SLC25A37: variants seen among roughly 807,000 people sequenced by gnomAD.
SLC25A37 encodes the protein solute carrier family 25 member 37, also known as mitoferrin-1.
A neutral mutation model predicts 31.0 loss-of-function variants in SLC25A37; 17 were observed. The observed-to-expected ratio is 0.55, with a 90% confidence interval of 0.38 to 0.82. The LOEUF is 0.82. Ranked by LOEUF, SLC25A37 falls within the 40% of genes least tolerant of loss-of-function variation. The pLI, the probability that SLC25A37 is intolerant of heterozygous loss-of-function variation, is 0.00. For missense variants in SLC25A37, 404 were observed against 465.8 expected (o/e 0.87, Z 1.22); for synonymous variants, 222 against 193.0 (o/e 1.15, Z -1.24).
intron 1 of SLC25A37, among the ~76,000 whole-genome samples, chr8:23,537,956 T>C (rs1801804614): frequency 6.6e-6 from 1 of 152,016 alleles, no homozygotes; most frequent in Non-Finnish European, 1.5e-5. Flanking sequence ...AGACTGAAAC[T>C]CTTTCCTCCT....
Position 23,572,016 on chromosome 8 carries a change from C to G in SLC25A37, c.*161C>G. 3 of 787,930 alleles carry G rather than the reference C, an allele frequency of 3.8e-6. No individual in the cohort carries two copies. Among genetic ancestry groups the G allele is most frequent in the South Asian group, 3.8e-5 (2 of 52,714 alleles). 48.8% of individuals were successfully genotyped at this position (787,930 alleles called of 1,614,324 possible). A position where few individuals can be genotyped will look rare whatever the true frequency, so the allele number is the denominator to read the frequency against. ...GAGGAGGGGACGGCACGGCCGCTCACCGGAAGGCTGTGTGCGGGGACATCC... is the reference window on the plus strand; with the variant it reads ...GAGGAGGGGACGGCACGGCCGCTCAGCGGAAGGCTGTGTGCGGGGACATCC... On this transcript the variant is annotated 3_prime_UTR_variant, in exon 4 of 4. Transcript: ENST00000519973.
At position 23,574,126 on chromosome 8, in the gene SLC25A37, CTT is replaced by C. The variant is rs1802931314; in HGVS notation, c.*2272_*2273del. On this transcript the variant is annotated 3_prime_UTR_variant, in exon 4 of 4. Transcript: ENST00000519973. ...CTTTCACTGGTGTTTAGAAAATAAA[CTT>C]GATTTCTCTAGGAGCACTCCTTTGG... 1 of 333,510 alleles carries C rather than the reference CTT, an allele frequency of 3.0e-6. No individual in the cohort carries two copies. The highest frequency in any genetic ancestry group is 3.9e-5 in the Admixed American group (1 of 25,792). The allele number at this position is 333,510 out of a possible 1,614,324, so 20.7% of individuals were successfully genotyped here.
chr8:23,561,410 G>A (rs565932285), intron 1 of SLC25A37, among the ~76,000 whole-genome samples: 6 of 152,342 alleles, frequency 3.9e-5, no homozygotes, highest in African/African-American at 1.2e-4. Context: ...GTAAAGGAGA[G>A]ACCCTCTTGA....
chr8:23,563,412 C>A (rs1802566867), intron 1 of SLC25A37, among the ~76,000 whole-genome samples: 1 of 152,200 alleles, frequency 6.6e-6, no homozygotes. Context: ...GTCTCAAACT[C>A]CTGGCCTCAA....
At chr8:23,562,758 CAAACTT>C (rs1208210046) in intron 1 of SLC25A37, among the ~76,000 whole-genome samples, 2 of 152,190 alleles carry the variant, frequency 1.3e-5, no homozygotes, top group African/African-American at 4.8e-5. Context: ...TGGGGAAACT[CAAACTT>C]AGAAAGTTTA....
rs1362624593 is a variant in SLC25A37 at position 23,545,117 on chromosome 8, G to A, written c.210+15905G>A. On this transcript the variant is annotated intron_variant, in intron 1 of 3. Transcript: ENST00000519973. ...GCAGGTTTAGGGTTTGCCTGAGTGA[G>A]CTTTCCTGGTCCAGGTCACAACTTG... Among the ~76,000 whole-genome samples, 6 of 152,198 alleles carry A rather than the reference G, an allele frequency of 3.9e-5. No homozygotes were observed. The East Asian group carries it at 9.6e-4, about 24-fold the overall frequency.
Position 23,573,473 on chromosome 8 carries a change from C to T in SLC25A37, c.*1618C>T, listed in dbSNP as rs1279249331. 1 of 202,158 alleles carries T rather than the reference C, an allele frequency of 4.9e-6. No homozygotes were observed. Among genetic ancestry groups the T allele is most frequent in the South Asian group, 7.6e-5 (1 of 13,124 alleles). 12.5% of individuals were successfully genotyped at this position (202,158 alleles called of 1,614,324 possible). ...TGAGCAGGAAGCTCATGTATGTTTG[C>T]ATTTCAGTGAGCCGGGTCCTGACCT... is the stretch of plus-strand genomic sequence containing the variant. On this transcript the variant is annotated 3_prime_UTR_variant, in exon 4 of 4. Coordinates refer to ENST00000519973, the MANE Select transcript of SLC25A37 (RefSeq NM_016612.4).
chr8:23,566,432 C>T (rs558955725), intron 2 of SLC25A37, 96 bp downstream of exon 2: 36 of 1,499,106 alleles, frequency 2.4e-5, no homozygotes, highest in East Asian at 2.0e-4. Flanking sequence ...GCCTCGACTT[C>T]GGCCCGCTTG....
At chr8:23,544,646 A>C (rs79445563) in intron 1 of SLC25A37, among the ~76,000 whole-genome samples, 1 of 152,276 alleles carries the variant, frequency 6.6e-6, no homozygotes, top group East Asian at 1.9e-4. Context: ...CAGTATCTCT[A>C]TCTAGACCTG....
intron 1 of SLC25A37, chr8:23,541,860 C>G (rs553068343): frequency 6.6e-6 from 1 of 152,326 alleles, no homozygotes; most frequent in Non-Finnish European, 1.5e-5. Context: ...GCTGCCAGTG[C>G]GTGTATATAC....
rs781058527 is a variant in SLC25A37 at position 23,571,483 on chromosome 8, C to G, written c.645C>G (p.His215Gln). The G allele has an allele frequency of 1.2e-6, 2 of 1,614,042 alleles. No homozygotes were observed. The highest frequency in any genetic ancestry group is 1.7e-5 in the Admixed American group (1 of 60,032). ...LTMNIPFQSIHFITYEFLQEQ... is the reference protein window; with the variant it reads ...LTMNIPFQSIQFITYEFLQEQ... ...TGAACATCCCCTTCCAGTCCATCCA[C>G]TTCATCACCTATGAGTTCCTGCAGG... Residue 215 changes from histidine (H) to glutamine (Q), a missense_variant, in exon 4 of 4, where the codon CAC becomes CAG. His to Gln is a conservative substitution (Grantham distance 24, BLOSUM62 0). Transcript: ENST00000519973.
chr8:23,557,665 G>T (rs1237784004), intron 1 of SLC25A37, among the ~76,000 whole-genome samples: 1 of 152,170 alleles, frequency 6.6e-6, no homozygotes, highest in Non-Finnish European at 1.5e-5. Flanking sequence ...CTCTGGATGG[G>T]CTCATGGTGG....
In SLC25A37 at chr8:23,574,003, A is replaced by G. The variant is rs185260604; in HGVS notation, c.*2148A>G. 64 of 358,228 alleles carry G rather than the reference A, an allele frequency of 1.8e-4. No individual in the cohort carries two copies. The East Asian group carries it at 3.4e-3, about 19-fold the overall frequency. 22.2% of individuals were successfully genotyped at this position (358,228 alleles called of 1,614,324 possible). ...AAAATCAAATTCTAAATTTCAAAGT[A>G]GAATTTAAAGCAAATTTGTAAAAAA... is the stretch of plus-strand genomic sequence containing the variant. On this transcript the variant is annotated 3_prime_UTR_variant, in exon 4 of 4. Transcript: ENST00000519973.
intron 1 of SLC25A37, among the ~76,000 whole-genome samples, chr8:23,533,352 A>G (rs1273533169): frequency 6.6e-6 from 1 of 152,092 alleles, no homozygotes; most frequent in Non-Finnish European, 1.5e-5. Context: ...GAATGGGAGG[A>G]TTTAATCAGC....
chr8:23,554,250 A>C (rs1802306233), intron 1 of SLC25A37, among the ~76,000 whole-genome samples: 1 of 152,150 alleles, frequency 6.6e-6, no homozygotes, highest in Admixed American at 6.5e-5. Flanking sequence ...AGAAGGGTTG[A>C]AGGTTCAGGG....
intron 1 of SLC25A37, among the ~76,000 whole-genome samples, chr8:23,556,167 G>T (rs1802358798): frequency 6.6e-6 from 1 of 151,712 alleles, no homozygotes; most frequent in African/African-American, 2.4e-5. Flanking sequence ...TTGAAGTGGG[G>T]GCAATGACTA....
intron 1 of SLC25A37, among the ~76,000 whole-genome samples, chr8:23,537,437 T>C (rs1801793970): frequency 6.6e-6 from 1 of 152,214 alleles, no homozygotes; most frequent in South Asian, 2.1e-4. Context: ...CACCACTGTA[T>C]TCCCATTGCC....
chr8:23,567,547 G>A, intron 2 of SLC25A37: 1 of 153,360 alleles, frequency 6.5e-6, no homozygotes, highest in Admixed American at 6.5e-5. Flanking sequence ...TGTGTGTGGT[G>A]GGGGAGTGGG....
intron 1 of SLC25A37, among the ~76,000 whole-genome samples, chr8:23,562,859 C>CA (rs1463797049): frequency 6.6e-6 from 1 of 152,188 alleles, no homozygotes; most frequent in Non-Finnish European, 1.5e-5. Flanking sequence ...GGGTTCTTGA[C>CA]AGCCACATTG....
Sources: allele counts gnomAD v4.1 joint callset (sites outside exome capture counted in the v4.1 genomes callset), GRCh38; gene constraint gnomAD v4.1.1; transcripts MANE v1.5; gene names NCBI Gene and HGNC (gene_info 2026-07-23, HGNC 2026-07-21).